Variants in NEK1 observed in about 807,000 individuals in gnomAD.
NEK1 encodes the protein serine/threonine-protein kinase Nek1.
Under a neutral mutation model 182.1 loss-of-function variants are expected in NEK1, and 137 were observed. The observed-to-expected ratio is 0.75, with a 90% confidence interval of 0.65 to 0.87. NEK1 has a LOEUF of 0.87. NEK1 is among the 40% of genes least tolerant of loss of function. The probability of loss-of-function intolerance (pLI) is 0.00; values close to 1 mark genes in which losing one functional copy is unlikely to be tolerated. For synonymous variants in NEK1, 513 were observed against 492.2 expected (o/e 1.04, Z -0.56); for missense variants, 1,391 against 1,494.4 (o/e 0.93, Z 1.14).
chr4:169,594,225 C>T (rs1769060073), intron 5 of NEK1, among the ~76,000 whole-genome samples: 1 of 152,162 alleles, frequency 6.6e-6, no homozygotes, highest in Admixed American at 6.5e-5. Flanking sequence ...GGCCTTATAG[C>T]ACCAAACAGT....
rs975481436 is a variant in NEK1, at chr4:169,393,397, G to A, written c.*1113C>T. On this transcript the variant is annotated 3_prime_UTR_variant, in exon 36 of 36. Coordinates refer to ENST00000507142, the MANE Select transcript of NEK1 (RefSeq NM_001199397.3). ...ATAAATTCAACATACTGATAGTGCT[G>A]CAAGATAAGATTTTATTTTTCAAAT... 2.0e-5 allele frequency: 3 copies of A among 152,150 alleles called. No individual in the cohort carries two copies. Among genetic ancestry groups the A allele is most frequent in the Non-Finnish European group, 4.4e-5 (3 of 68,026 alleles). The allele number at this position is 152,150 out of a possible 1,614,324, so 9.4% of individuals were successfully genotyped here. A position where few individuals can be genotyped will look rare whatever the true frequency, so the allele number is the denominator to read the frequency against.
chr4:169,421,710 G>A (rs4267701), intron 31 of NEK1, among the ~76,000 whole-genome samples: 122,505 of 152,096 alleles, frequency 0.81, 50,793 homozygotes, highest in South Asian at 0.92. Context: ...CCAGCCATGC[G>A]GAACTGTAAG....
intron 27 of NEK1, among the ~76,000 whole-genome samples, chr4:169,450,109 C>T (rs888139770): frequency 2.6e-5 from 4 of 151,924 alleles, no homozygotes; most frequent in East Asian, 1.9e-4. Context: ...TGAAATAAAG[C>T]GAGAAGAGAA....
chr4:169,587,958 C>T (rs1561467456), intron 8 of NEK1, among the ~76,000 whole-genome samples: 1 of 151,862 alleles, frequency 6.6e-6, no homozygotes, highest in Admixed American at 6.6e-5. Context: ...AAACAAAATA[C>T]TAATTTAATG....
intron 19 of NEK1, among the ~76,000 whole-genome samples, chr4:169,533,895 G>C (rs972086576): frequency 1.3e-5 from 2 of 152,194 alleles, no homozygotes; most frequent in Non-Finnish European, 2.9e-5. Context: ...AAAGCATTCA[G>C]TGGAAACTTA....
At position 169,410,983 on chromosome 4, in the gene NEK1, T is replaced by C. The variant is rs528740042; in HGVS notation, c.3223-4236A>G. ...TCCTGTTCTCTTTCTCAGATCTGCC[T>C]GCCACAGAGTGTGTGCGTGCGTATC... is the stretch of plus-strand genomic sequence containing the variant. On this transcript the variant is annotated intron_variant, in intron 31 of 35. Transcript: ENST00000507142. Among the ~76,000 whole-genome samples the C allele has an allele frequency of 7.2e-5, 11 of 152,350 alleles. No individual in the cohort carries two copies. In the East Asian group the frequency reaches 1.4e-3, roughly 19 times the overall value.
At chr4:169,510,603 A>G (rs1225555629) in intron 19 of NEK1, among the ~76,000 whole-genome samples, 1 of 152,060 alleles carries the variant, frequency 6.6e-6, no homozygotes, top group East Asian at 1.9e-4. Context: ...ATTCTCTACA[A>G]TGCCCTGAGA....
intron 23 of NEK1, among the ~76,000 whole-genome samples, chr4:169,489,491 T>C (rs1401867655): frequency 6.6e-6 from 1 of 152,184 alleles, no homozygotes; most frequent in Non-Finnish European, 1.5e-5. Flanking sequence ...ACAGGCTAAG[T>C]ATGGCCATAT....
At chr4:169,460,070 C>T (rs1159720457) in intron 27 of NEK1, among the ~76,000 whole-genome samples, 1 of 152,056 alleles carries the variant, frequency 6.6e-6, no homozygotes, top group Admixed American at 6.6e-5. Context: ...TTAAAACAAA[C>T]GTACCTCTCT....
At chr4:169,460,641 T>C (rs1743798273) in intron 27 of NEK1, among the ~76,000 whole-genome samples, 1 of 152,080 alleles carries the variant, frequency 6.6e-6, no homozygotes, top group South Asian at 2.1e-4. Context: ...TGCCAAAATA[T>C]ATTTTAAGAA....
intron 26 of NEK1, among the ~76,000 whole-genome samples, chr4:169,469,177 C>T (rs1278441764): frequency 2.6e-5 from 4 of 151,914 alleles, no homozygotes; most frequent in Non-Finnish European, 4.4e-5. Flanking sequence ...AATTTGTTTG[C>T]TCTTGCTTCT....
At chr4:169,396,936 T>C (rs759914079) in intron 35 of NEK1, among the ~76,000 whole-genome samples, 5 of 152,098 alleles carry the variant, frequency 3.3e-5, no homozygotes, top group Non-Finnish European at 7.4e-5. Context: ...GACAACTATC[T>C]CTAAGACAGG....
At chr4:169,451,315 C>G (rs1239306477) in intron 27 of NEK1, among the ~76,000 whole-genome samples, 3 of 152,174 alleles carry the variant, frequency 2.0e-5, no homozygotes, top group Non-Finnish European at 4.4e-5. Flanking sequence ...CTCTCCACCC[C>G]AAATCAACAG....
intron 18 of NEK1, among the ~76,000 whole-genome samples, chr4:169,538,376 A>C (rs1403077568): frequency 6.6e-6 from 1 of 152,150 alleles, no homozygotes; most frequent in East Asian, 1.9e-4. Flanking sequence ...ATACAGTAAA[A>C]AGCTATGTTT....
At chr4:169,565,213 G>A (rs182406538) in intron 12 of NEK1, among the ~76,000 whole-genome samples, 1 of 152,116 alleles carries the variant, frequency 6.6e-6, no homozygotes, top group Admixed American at 6.5e-5. Context: ...TTCTAAAGGC[G>A]ACCCACAATA....
intron 24 of NEK1, 67 bp downstream of exon 24, chr4:169,479,336 C>A: frequency 6.7e-7 from 1 of 1,498,070 alleles, no homozygotes; most frequent in South Asian, 1.3e-5. Context: ...AATGTGATTT[C>A]ATTAAATTTA....
At chr4:169,483,122 C>T (rs1748393163) in intron 23 of NEK1, among the ~76,000 whole-genome samples, 1 of 152,140 alleles carries the variant, frequency 6.6e-6, no homozygotes. Context: ...CACTGTAAGT[C>T]ATTAAGTGGC....
intron 11 of NEK1, among the ~76,000 whole-genome samples, chr4:169,578,218 T>C (rs1488009147): frequency 6.6e-6 from 1 of 152,188 alleles, no homozygotes; most frequent in East Asian, 1.9e-4. Flanking sequence ...CTACTATTTA[T>C]TCACATCTCT....
chr4:169,606,494 A>G (rs1300478431), intron 2 of NEK1, among the ~76,000 whole-genome samples: 1 of 152,036 alleles, frequency 6.6e-6, no homozygotes, highest in Non-Finnish European at 1.5e-5. Context: ...AAACTAGCTC[A>G]ATAATTGGAA....
Sources: gnomAD v4.1 joint callset for allele counts (sites outside exome capture counted in the v4.1 genomes callset) on GRCh38, gnomAD v4.1.1 for gene constraint, MANE v1.5 for transcripts, NCBI Gene and HGNC (gene_info 2026-07-23, HGNC 2026-07-21) for gene names.